ASB4: variants seen among roughly 807,000 people sequenced by gnomAD.
The protein encoded by ASB4 is ankyrin repeat and SOCS box protein 4.
Under a neutral mutation model 38.6 loss-of-function variants are expected in ASB4, and 35 were observed. That is an observed-to-expected ratio of 0.91 (90% CI 0.69 to 1.20). ASB4 has a LOEUF of 1.20. ASB4 is among the 50% of genes most tolerant of loss of function. The probability of loss-of-function intolerance (pLI) is 0.00; values close to 1 mark genes in which losing one functional copy is unlikely to be tolerated. For synonymous variants in ASB4, 195 were observed against 201.3 expected (o/e 0.97, Z 0.26); for missense variants, 557 against 527.2 (o/e 1.06, Z -0.55).
chr7:95,482,643 C>G (rs57750807), upstream of ASB4, among the ~76,000 whole-genome samples: 532 of 152,324 alleles, frequency 3.5e-3, 5 homozygotes, highest in African/African-American at 0.012. Flanking sequence ...TTTCACAAGG[C>G]AAAGATGATA....
At chr7:95,508,071 T>G (rs1790434466) in intron 2 of ASB4, among the ~76,000 whole-genome samples, 1 of 152,062 alleles carries the variant, frequency 6.6e-6, no homozygotes, top group Non-Finnish European at 1.5e-5. Context: ...ATTTTTTTTT[T>G]AGATTTTAGA....
chr7:95,500,270 A>C lies in ASB4; in HGVS notation c.487+4213A>C, dbSNP rs138954477. Among the ~76,000 whole-genome samples, 18 of 152,218 alleles carry C rather than the reference A, an allele frequency of 1.2e-4. No homozygotes were observed. In the East Asian group the frequency reaches 3.1e-3, roughly 26 times the overall value. On this transcript the variant is annotated intron_variant, in intron 2 of 4. Transcript: ENST00000325885. ...AATGTAGTAGGATTACTGGACTTAT[A>C]AAAGATGCCATGTGGCTAGGAGCCG... is the stretch of plus-strand genomic sequence containing the variant.
In ASB4 at chr7:95,527,914, C is replaced by A; in HGVS notation, c.589C>A (p.His197Asn). The change falls in exon 3 of 5, where the codon CAC (histidine) becomes AAC (asparagine). Residue 197 changes from histidine to asparagine, a missense_variant. By Grantham distance (68) the His-to-Asn change is moderately conservative. Coordinates refer to ENST00000325885, the MANE Select transcript of ASB4 (RefSeq NM_016116.3). ...LSELVAFYVEHGAIVDSVNAH... is the reference protein window; with the variant it reads ...LSELVAFYVENGAIVDSVNAH... ...GGAGCTGGTGGCCTTCTACGTGGAA[C>A]ACGGGGCCATAGTGGACAGCGTGAA... 6.2e-7 allele frequency: 1 copy of A among 1,614,156 alleles called. No individual in the cohort carries two copies. The highest frequency in any genetic ancestry group is 8.5e-7 in the Non-Finnish European group (1 of 1,180,044).
intron 2 of ASB4, among the ~76,000 whole-genome samples, chr7:95,511,509 G>A (rs979863182): frequency 2.2e-4 from 33 of 152,032 alleles, no homozygotes; most frequent in African/African-American, 8.0e-4. Context: ...AAGAAAGATC[G>A]GCTTGGACTT....
chr7:95,515,244 T>C (rs1365804009), intron 2 of ASB4, among the ~76,000 whole-genome samples: 53 of 141,340 alleles, frequency 3.7e-4, no homozygotes, highest in East Asian at 1.0e-3. Context: ...TCTTTCTTTC[T>C]TTCTTTCCTT....
At chr7:95,472,299 T>G in the ASB4 span, among the ~76,000 whole-genome samples, 1 of 152,188 alleles carries the variant, frequency 6.6e-6, no homozygotes, top group Non-Finnish European at 1.5e-5. Context: ...CACAGGACCC[T>G]GTGTTCAGAA....
At position 95,486,085 on chromosome 7, in the gene ASB4, C is replaced by T; in HGVS notation, c.114C>T (p.Ile38=). 6.2e-7 allele frequency: 1 copy of T among 1,613,906 alleles called. No homozygotes were observed. Among genetic ancestry groups the T allele is most frequent in the Non-Finnish European group, 8.5e-7 (1 of 1,179,938 alleles). The change falls in exon 1 of 5, where the codon ATC becomes ATT. Residue 38 remains isoleucine, a synonymous_variant. Coordinates refer to ENST00000325885, the MANE Select transcript of ASB4 (RefSeq NM_016116.3). ...TCGGAAAATTGAAGGCTATTTTGAT[C>T]CAAAGGCAAATAGATGTGGACACTG... The part of the protein sequence containing the change: ...NDFGKLKAIL[I]QRQIDVDTVF...
At chr7:95,528,509 A>G in intron 3 of ASB4, 5 of 1,430,064 alleles carry the variant, frequency 3.5e-6, no homozygotes, top group Non-Finnish European at 4.6e-6. Context: ...TGTGAGAGCT[A>G]GAATGAGAAA....
At chr7:95,528,676 C>T (rs1790779780) in intron 3 of ASB4, 9 of 1,116,696 alleles carry the variant, frequency 8.1e-6, no homozygotes, top group Non-Finnish European at 9.8e-6. Context: ...ATGACTCAGC[C>T]TGCTTTGAAA....
chr7:95,497,521 T>C (rs1034089141), intron 2 of ASB4, among the ~76,000 whole-genome samples: 3 of 152,210 alleles, frequency 2.0e-5, no homozygotes, highest in African/African-American at 7.2e-5. Context: ...AAGAGGCACC[T>C]ATGTAGGGAT....
At chr7:95,510,924 G>A (rs1329399685) in intron 2 of ASB4, among the ~76,000 whole-genome samples, 1 of 152,096 alleles carries the variant, frequency 6.6e-6, no homozygotes, top group Non-Finnish European at 1.5e-5. Context: ...TTACTTAGGG[G>A]AGCCTGGAGC....
At chr7:95,505,707 A>C in intron 2 of ASB4, among the ~76,000 whole-genome samples, 1 of 119,150 alleles carries the variant, frequency 8.4e-6, no homozygotes, top group Non-Finnish European at 1.7e-5. Flanking sequence ...CCAAATACTT[A>C]TTCATTCCCT....
At chr7:95,518,736 C>T (rs6969315) in intron 2 of ASB4, among the ~76,000 whole-genome samples, 7,139 of 152,264 alleles carry the variant, frequency 0.047, 322 homozygotes, top group South Asian at 0.11. Flanking sequence ...ACTGCAGGAA[C>T]GACCAATGAG....
At chr7:95,520,658 C>G (rs887347796) in intron 2 of ASB4, among the ~76,000 whole-genome samples, 7 of 151,574 alleles carry the variant, frequency 4.6e-5, no homozygotes, top group African/African-American at 1.7e-4. Flanking sequence ...CATCCCCATC[C>G]ACACACACTA....
intron 2 of ASB4, among the ~76,000 whole-genome samples, chr7:95,511,796 T>G (rs2116616773): frequency 6.6e-6 from 1 of 152,374 alleles, no homozygotes; most frequent in African/African-American, 2.4e-5. Context: ...ATTAAAACAC[T>G]GAGCTTGAGA....
At chr7:95,487,426 A>T (rs1484639009) in intron 1 of ASB4, among the ~76,000 whole-genome samples, 1 of 152,198 alleles carries the variant, frequency 6.6e-6, no homozygotes, top group Non-Finnish European at 1.5e-5. Context: ...AGATGTTTTT[A>T]AAAAGCTTAT....
chr7:95,481,634 C>A (rs1790022407), upstream of ASB4, among the ~76,000 whole-genome samples: 1 of 152,044 alleles, frequency 6.6e-6, no homozygotes, highest in Non-Finnish European at 1.5e-5. Context: ...GTTTAAATGC[C>A]ATGATAAACC....
intron 4 of ASB4, 57 bp from the exon 5 acceptor site, chr7:95,537,514 T>G: frequency 1.4e-6 from 2 of 1,445,156 alleles, no homozygotes; most frequent in Non-Finnish European, 1.9e-6. Context: ...TGCTGATTTT[T>G]ATTGATGTAA....
the ASB4 span, among the ~76,000 whole-genome samples, chr7:95,550,377 T>C: frequency 2.7e-4 from 41 of 152,162 alleles, no homozygotes; most frequent in Non-Finnish European, 4.7e-4. Flanking sequence ...CTCTGGGAGG[T>C]TGCCAGAAAC....
Sources: allele counts gnomAD v4.1 joint callset (sites outside exome capture counted in the v4.1 genomes callset), GRCh38; gene constraint gnomAD v4.1.1; transcripts MANE v1.5; gene names NCBI Gene and HGNC (gene_info 2026-07-23, HGNC 2026-07-21).